TP53BP1: variants seen among roughly 807,000 people sequenced by gnomAD.
TP53BP1 encodes tumor protein p53 binding protein 1.
In TP53BP1, 61 loss-of-function variants were observed where a neutral mutation model predicts 200.8. The observed-to-expected ratio is 0.30, with a 90% CI of 0.25 to 0.38. The LOEUF (loss-of-function observed/expected upper bound fraction) is 0.38, where lower values mean the gene tolerates loss of function less well. Ranked by LOEUF, TP53BP1 falls within the 10% of genes least tolerant of loss-of-function variation. The probability of loss-of-function intolerance (pLI) is 1.00; values close to 1 mark genes in which losing one functional copy is unlikely to be tolerated. For synonymous variants in TP53BP1, 822 were observed against 844.3 expected (o/e 0.97, Z 0.46); for missense variants, 2,144 against 2,371.9 (o/e 0.90, Z 2.00).
In TP53BP1 at chr15:43,479,497, C is replaced by G. The variant is rs1177144915; in HGVS notation, c.688G>C (p.Asp230His). Reference sequence around the variant, plus strand: ...CTGGACTGTTCTGCTATGGGGATATCTTCGTTGGACTGTTCTTCATGCTTA... The same window carrying G: ...CTGGACTGTTCTGCTATGGGGATATGTTCGTTGGACTGTTCTTCATGCTTA... ...AIKHEEQSNE[D>H]IPIAEQSSKD... The change falls in exon 7 of 28, where the codon GAT becomes CAT. Residue 230 changes from aspartate (D) to histidine (H), a missense_variant. Asp to His is a moderately conservative substitution (Grantham distance 81). Coordinates refer to ENST00000382044, the MANE Select transcript of TP53BP1 (RefSeq NM_001141980.3). 6.2e-7 allele frequency: 1 copy of G among 1,612,700 alleles called. No individual in the cohort carries two copies.
chr15:43,425,216 C>A (rs989678253), intron 18 of TP53BP1, among the ~76,000 whole-genome samples: 9 of 152,248 alleles, frequency 5.9e-5, no homozygotes, highest in African/African-American at 2.2e-4. Flanking sequence ...CAACAGAAAA[C>A]AGACTAAGAG....
rs781460106 is a variant in TP53BP1 at position 43,432,356 on chromosome 15, A to G, written c.3513T>C (p.Thr1171=). The G allele has an allele frequency of 6.2e-7, 1 of 1,614,144 alleles. No homozygotes were observed. The highest frequency in any genetic ancestry group is 8.5e-7 in the Non-Finnish European group (1 of 1,180,022). Residue 1171 remains threonine, a synonymous_variant, in exon 17 of 28, where the codon ACT becomes ACC. Coordinates refer to ENST00000382044, the MANE Select transcript of TP53BP1 (RefSeq NM_001141980.3). ...TTATAGTCTGGGTTGCTGCTGAAAC[A>G]GTTTCTGGGACCCTCAAGGAACACT... is the stretch of plus-strand genomic sequence containing the variant. ...TMECSLRVPE[T]VSAATQTIKN...
At chr15:43,480,242 G>T (rs944859106) in intron 5 of TP53BP1, among the ~76,000 whole-genome samples, 1 of 152,098 alleles carries the variant, frequency 6.6e-6, no homozygotes, top group Non-Finnish European at 1.5e-5. Context: ...GAGGTCAGGC[G>T]GTCAAGACCA....
intron 23 of TP53BP1, chr15:43,414,031 AG>A (rs2045201260): frequency 2.3e-6 from 1 of 440,878 alleles, no homozygotes; most frequent in Non-Finnish European, 4.7e-6. Flanking sequence ...TAAGTCCTTG[AG>A]AAAAAAAACA....
chr15:43,505,826 T>C (rs2079232906), intron 1 of TP53BP1, among the ~76,000 whole-genome samples: 1 of 152,230 alleles, frequency 6.6e-6, no homozygotes, highest in Non-Finnish European at 1.5e-5. Context: ...ACCCTATGGC[T>C]GCTGGTATGC....
chr15:43,425,687 T>G (rs2045511912), intron 18 of TP53BP1, among the ~76,000 whole-genome samples: 1 of 152,202 alleles, frequency 6.6e-6, no homozygotes, highest in Non-Finnish European at 1.5e-5. Context: ...TGTAGTGTAC[T>G]AGGCACAGAG....
Position 43,405,305 on chromosome 15 carries a change from AAT to A in TP53BP1, c.*2076_*2077del. The A allele has an allele frequency of 6.9e-7, 1 of 1,454,494 alleles. No homozygotes were observed. Among genetic ancestry groups the A allele is most frequent in the Non-Finnish European group, 9.6e-7 (1 of 1,037,796 alleles). The allele number at this position is 1,454,494 out of a possible 1,614,324, so 90.1% of individuals were successfully genotyped here. A position where few individuals can be genotyped will look rare whatever the true frequency, so the allele number is the denominator to read the frequency against. On this transcript the variant is annotated 3_prime_UTR_variant, in exon 28 of 28. Transcript: ENST00000382044. ...ATCCCATTCTAGCCACACACAAATAAATATCTGCGGCTTAGTGATAGGACTCT... is the reference window on the plus strand; with the variant it reads ...ATCCCATTCTAGCCACACACAAATAAATCTGCGGCTTAGTGATAGGACTCT...
At chr15:43,417,194 C>A in intron 21 of TP53BP1, 1 of 152,168 alleles carries the variant, frequency 6.6e-6, no homozygotes, top group Non-Finnish European at 1.5e-5. Flanking sequence ...ACACACCCCC[C>A]CACCCCCACA....
chr15:43,408,545 C>G (rs900075602), intron 26 of TP53BP1: 10 of 310,794 alleles, frequency 3.2e-5, no homozygotes, highest in African/African-American at 2.1e-4. Flanking sequence ...ATCTGTATTC[C>G]TTGCATTCCT....
intron 1 of TP53BP1, among the ~76,000 whole-genome samples, chr15:43,509,470 G>A (rs930740728): frequency 3.3e-5 from 5 of 152,148 alleles, no homozygotes; most frequent in African/African-American, 7.2e-5. Flanking sequence ...GTGCAGTGGT[G>A]CAATCCTGGC....
chr15:43,416,653 T>G (rs1421194551), intron 21 of TP53BP1: 1 of 358,628 alleles, frequency 2.8e-6, no homozygotes, highest in African/African-American at 2.1e-5. Flanking sequence ...AGCCTTTAGT[T>G]ATAAAATAAA....
chr15:43,436,337 T>C (rs1477784394), intron 16 of TP53BP1, among the ~76,000 whole-genome samples: 1 of 152,162 alleles, frequency 6.6e-6, no homozygotes, highest in Non-Finnish European at 1.5e-5. Context: ...CATTGTCTAA[T>C]TACGAAATCA....
chr15:43,491,898 T>C (rs956749262), intron 3 of TP53BP1, 104 bp downstream of exon 3: 1 of 1,114,528 alleles, frequency 9.0e-7, no homozygotes, highest in African/African-American at 1.5e-5. Context: ...CACAGTAGGC[T>C]TCCTTACATA....
intron 12 of TP53BP1, 98 bp downstream of exon 12, chr15:43,455,794 A>T: frequency 1.5e-6 from 2 of 1,376,612 alleles, no homozygotes; most frequent in South Asian, 2.8e-5. Context: ...TAAACCAAAG[A>T]TAGTGTTCAC....
intron 12 of TP53BP1, among the ~76,000 whole-genome samples, chr15:43,452,287 T>G (rs966881141): frequency 2.0e-5 from 3 of 152,134 alleles, no homozygotes; most frequent in African/African-American, 7.2e-5. Context: ...TGTTCTCGGC[T>G]GAGCACGGTG....
chr15:43,502,234 G>T (rs991227960), intron 1 of TP53BP1, among the ~76,000 whole-genome samples: 1 of 152,000 alleles, frequency 6.6e-6, no homozygotes, highest in South Asian at 2.1e-4. Context: ...GAGGTGGGAA[G>T]ATCAATTGAG....
At position 43,457,165 on chromosome 15, in the gene TP53BP1, T is replaced by C. The variant is rs1163206234; in HGVS notation, c.1443A>G (p.Lys481=). ...SLEEQSNDGK[K]DGDMHSSSLT... ...AAGATGAACTATGCATATCTCCATC[T>C]TTCTTCCCATCATTTGATTGTTCTT... Residue 481 remains lysine, a synonymous_variant, in exon 12 of 28, where the codon AAA becomes AAG. Transcript: ENST00000382044. The C allele has an allele frequency of 6.2e-7, 1 of 1,613,046 alleles. No individual in the cohort carries two copies. The highest frequency in any genetic ancestry group is 2.2e-5 in the East Asian group (1 of 44,880).
chr15:43,411,747 A>G (rs768116841), intron 24 of TP53BP1, among the ~76,000 whole-genome samples: 49 of 152,228 alleles, frequency 3.2e-4, no homozygotes, highest in Non-Finnish European at 8.8e-5. Context: ...GCCTCATTTT[A>G]TTTTTATGAG....
chr15:43,414,681 T>TG (rs2045217995), intron 23 of TP53BP1, among the ~76,000 whole-genome samples: 2 of 151,354 alleles, frequency 1.3e-5, no homozygotes, highest in African/African-American at 4.9e-5. Context: ...TCGGGGATAA[T>TG]GGGGAGAGGG....
Sources: gnomAD v4.1 joint callset for allele counts (sites outside exome capture counted in the v4.1 genomes callset) on GRCh38, gnomAD v4.1.1 for gene constraint, MANE v1.5 for transcripts, NCBI Gene and HGNC (gene_info 2026-07-23, HGNC 2026-07-21) for gene names.